CNGB3: variants seen among roughly 807,000 people sequenced by gnomAD.
CNGB3 encodes the protein cyclic nucleotide gated channel subunit beta 3, also known as cyclic nucleotide-gated channel beta-3.
CNGB3 carries 86 observed loss-of-function variants against 92.8 expected under a neutral mutation model. The ratio of observed to expected loss-of-function variants is 0.93; its 90% confidence interval spans 0.78 to 1.11. CNGB3 has a LOEUF of 1.11. Among genes scored for constraint, CNGB3 ranks in the 50% least tolerant of loss-of-function variants. The pLI, the probability that CNGB3 is intolerant of heterozygous loss-of-function variation, is 0.00. For missense variants in CNGB3, 1,026 were observed against 956.8 expected (o/e 1.07, Z -0.95); for synonymous variants, 333 against 332.7 (o/e 1.00, Z -0.01).
rs1825177715 is a variant in CNGB3 at position 86,732,696 on chromosome 8, C to CT, written c.212-6040dup. On this transcript the variant is annotated intron_variant, in intron 2 of 17. Coordinates refer to ENST00000320005, the MANE Select transcript of CNGB3 (RefSeq NM_019098.5). ...TAGGAATTTTCTTCATCATCTCAAA[C>CT]TAGAAAGCATGTAATATTTATCTTT... 2.6e-5 allele frequency among the ~76,000 whole-genome samples: 4 copies of CT among 152,188 alleles called. No individual in the cohort carries two copies. In the South Asian group the frequency reaches 8.3e-4, roughly 32 times the overall value.
rs760802121 is a variant in CNGB3, at chr8:86,632,738, CA to C, written c.1320+13del. The C allele has an allele frequency of 1.9e-6, 3 of 1,612,596 alleles. No homozygotes were observed. The South Asian group carries it at 3.3e-5, about 18-fold the overall frequency. ...TGACAGCACTGTGTATCCAGTGATT[CA>C]TACTCAGCTTACCTGACCAATTAAA... is the stretch of plus-strand genomic sequence containing the variant. On this transcript the variant is annotated intron_variant, in intron 11 of 17. Transcript: ENST00000320005.
intron 3 of CNGB3, among the ~76,000 whole-genome samples, chr8:86,679,254 C>T (rs1210173916): frequency 2.0e-5 from 3 of 152,242 alleles, no homozygotes; most frequent in Admixed American, 6.5e-5. Context: ...CACACTCTTA[C>T]ATTTATTAGT....
Position 86,667,150 on chromosome 8 carries a change from T to G in CNGB3, c.644-17A>C, listed in dbSNP as rs2131615216. 12 of 1,605,856 alleles carry G rather than the reference T, an allele frequency of 7.5e-6. No individual in the cohort carries two copies. Among genetic ancestry groups the G allele is most frequent in the Non-Finnish European group, 1.0e-5 (12 of 1,173,132 alleles). On this transcript the variant is annotated splice_polypyrimidine_tract_variant and intron_variant, in intron 5 of 17. Coordinates refer to ENST00000320005, the MANE Select transcript of CNGB3 (RefSeq NM_019098.5). ...AGAGTCGATCTGGAAAAACAGCAAG[T>G]GGTGAAATCCAAATGACATAGAACA...
intron 3 of CNGB3, among the ~76,000 whole-genome samples, chr8:86,706,476 G>A (rs1456586721): frequency 6.6e-6 from 1 of 152,202 alleles, no homozygotes; most frequent in Non-Finnish European, 1.5e-5. Flanking sequence ...TGAGCTCCAA[G>A]TAGGTAAAAG....
chr8:86,595,312 T>A (rs773353096), intron 15 of CNGB3, among the ~76,000 whole-genome samples: 11 of 152,200 alleles, frequency 7.2e-5, no homozygotes, highest in Non-Finnish European at 1.6e-4. Context: ...ACTCTCAGAA[T>A]CTTTACTTCC....
intron 3 of CNGB3, among the ~76,000 whole-genome samples, chr8:86,720,598 AAAG>A (rs1824947102): frequency 6.6e-6 from 1 of 152,112 alleles, no homozygotes; most frequent in Non-Finnish European, 1.5e-5. Context: ...GAGATTCCTT[AAAG>A]AAGTAAAAGT....
chr8:86,645,504 G>A lies in CNGB3; in HGVS notation c.991-818C>T, dbSNP rs575829689. 4.0e-5 allele frequency among the ~76,000 whole-genome samples: 6 copies of A among 151,196 alleles called. No individual in the cohort carries two copies. In the South Asian group the frequency reaches 1.2e-3, roughly 31 times the overall value. ...AATAAGAAAAGATGCCCCCCAAAAGGGTTGTGTGCATACATGAGTTAATAT... is the reference window on the plus strand; with the variant it reads ...AATAAGAAAAGATGCCCCCCAAAAGAGTTGTGTGCATACATGAGTTAATAT... On this transcript the variant is annotated intron_variant, in intron 8 of 17. Coordinates refer to ENST00000320005, the MANE Select transcript of CNGB3 (RefSeq NM_019098.5).
intron 3 of CNGB3, among the ~76,000 whole-genome samples, chr8:86,720,858 ACACAC>A (rs1824959449): frequency 1.3e-5 from 2 of 150,142 alleles, no homozygotes; most frequent in African/African-American, 4.9e-5. Flanking sequence ...ACACACACAC[ACACAC>A]ACACACACAC....
Position 86,694,373 on chromosome 8 carries a change from C to T in CNGB3, c.339-23275G>A, listed in dbSNP as rs551317320. On this transcript the variant is annotated intron_variant, in intron 3 of 17. Transcript: ENST00000320005. ...GGGGCTGACCCCCCCACTTCCCTCCCGGACGGGGTGGCTGGCCTGGCGGGG... is the reference window on the plus strand; with the variant it reads ...GGGGCTGACCCCCCCACTTCCCTCCTGGACGGGGTGGCTGGCCTGGCGGGG... Among the ~76,000 whole-genome samples, 1,021 of 149,668 alleles carry T rather than the reference C, an allele frequency of 6.8e-3. 10 individuals are homozygous for T. The highest frequency in any genetic ancestry group is 0.011 in the Non-Finnish European group (740 of 67,258).
At chr8:86,723,319 G>T (rs1333961066) in intron 3 of CNGB3, among the ~76,000 whole-genome samples, 1 of 151,838 alleles carries the variant, frequency 6.6e-6, no homozygotes, top group Non-Finnish European at 1.5e-5. Flanking sequence ...GGTGACAGCT[G>T]GTCACTCACA....
intron 3 of CNGB3, among the ~76,000 whole-genome samples, chr8:86,721,940 G>T: frequency 6.6e-6 from 1 of 152,094 alleles, no homozygotes; most frequent in East Asian, 1.9e-4. Context: ...TGCTCTCATT[G>T]TTCCTGCTGT....
chr8:86,723,848 A>G (rs1281733858), intron 3 of CNGB3, among the ~76,000 whole-genome samples: 1 of 152,220 alleles, frequency 6.6e-6, no homozygotes, highest in Non-Finnish European at 1.5e-5. Context: ...AAGACATTAA[A>G]AAGTGTTCTG....
At chr8:86,609,927 C>T (rs1346109881) in intron 14 of CNGB3, among the ~76,000 whole-genome samples, 4 of 152,244 alleles carry the variant, frequency 2.6e-5, no homozygotes, top group South Asian at 2.1e-4. Flanking sequence ...ATCTCCCAAC[C>T]CTGGATCTAA....
chr8:86,717,561 CA>C (rs35692774), intron 3 of CNGB3, among the ~76,000 whole-genome samples: 11,791 of 119,400 alleles, frequency 0.099, 533 homozygotes, highest in African/African-American at 0.19. Flanking sequence ...GACTCTGTCT[CA>C]AAAAAAAAAA....
At chr8:86,598,399 G>T (rs1352492218) in intron 15 of CNGB3, among the ~76,000 whole-genome samples, 1 of 152,232 alleles carries the variant, frequency 6.6e-6, no homozygotes, top group Non-Finnish European at 1.5e-5. Flanking sequence ...GAGTGTCCAT[G>T]TAGGGTGAAG....
intron 1 of CNGB3, among the ~76,000 whole-genome samples, 197 bp from the exon 2 acceptor site, chr8:86,739,933 G>A (rs1253274423): frequency 6.6e-6 from 1 of 152,182 alleles, no homozygotes; most frequent in African/African-American, 2.4e-5. Context: ...AGCCTCCACA[G>A]CTGCCCTCTG....
chr8:86,736,570 A>G (rs1196775173), intron 2 of CNGB3, among the ~76,000 whole-genome samples: 1 of 152,184 alleles, frequency 6.6e-6, no homozygotes, highest in Non-Finnish European at 1.5e-5. Context: ...CATTACTATT[A>G]CAAAGTAACT....
At chr8:86,719,373 A>T (rs1382054975) in intron 3 of CNGB3, among the ~76,000 whole-genome samples, 1 of 152,158 alleles carries the variant, frequency 6.6e-6, no homozygotes, top group East Asian at 1.9e-4. Context: ...CTATACACCA[A>T]CAGTGACCAA....
intron 4 of CNGB3, among the ~76,000 whole-genome samples, 185 bp from the exon 5 acceptor site, chr8:86,668,353 G>A (rs1453320517): frequency 6.6e-6 from 1 of 151,916 alleles, no homozygotes; most frequent in Non-Finnish European, 1.5e-5. Flanking sequence ...GGGGACAAGG[G>A]GAGGGATAAC....
Sources: gnomAD v4.1 joint callset for allele counts (sites outside exome capture counted in the v4.1 genomes callset) on GRCh38, gnomAD v4.1.1 for gene constraint, MANE v1.5 for transcripts, NCBI Gene and HGNC (gene_info 2026-07-23, HGNC 2026-07-21) for gene names.